LIPA: variants seen among roughly 807,000 people sequenced by gnomAD.
LIPA encodes the protein lipase A, lysosomal acid type, also known as lysosomal acid lipase/cholesteryl ester hydrolase.
A neutral mutation model predicts 40.6 loss-of-function variants in LIPA; 26 were observed. The ratio of observed to expected loss-of-function variants is 0.64; its 90% CI spans 0.47 to 0.89. The LOEUF (loss-of-function observed/expected upper bound fraction) is 0.89, where lower values mean the gene tolerates loss of function less well. LIPA is among the 40% of genes least tolerant of loss of function. LIPA has a pLI of 0.00. For synonymous variants in LIPA, 188 were observed against 168.4 expected, an observed-to-expected ratio of 1.12 and a Z score of -0.90; for missense variants, 455 against 479.6, an observed-to-expected ratio of 0.95 and a Z score of 0.48.
chr10:89,359,842 CAA>C (rs1844011263), intron 2 of LIPA, among the ~76,000 whole-genome samples: 4 of 146,388 alleles, frequency 2.7e-5, no homozygotes, highest in African/African-American at 1.0e-4. Context: ...CACACACACA[CAA>C]ACACACACAC....
intron 2 of LIPA, among the ~76,000 whole-genome samples, chr10:89,355,744 T>C (rs1010487956): frequency 1.3e-5 from 2 of 152,208 alleles, no homozygotes; most frequent in African/African-American, 4.8e-5. Context: ...TGACCTCTGG[T>C]CATCCTCACT....
At chr10:89,250,107 C>CTTTTTTTTTT (rs398038546) in intron 1 of LIPA, among the ~76,000 whole-genome samples, 5,364 of 95,136 alleles carry the variant, frequency 0.056, 527 homozygotes, top group African/African-American at 0.12. Flanking sequence ...TCTTTTCTTT[C>CTTTTTTTTTT]TTTTTTTTTT....
At chr10:89,409,304 G>A (rs990991508) in intron 2 of LIPA, among the ~76,000 whole-genome samples, 10 of 152,192 alleles carry the variant, frequency 6.6e-5, no homozygotes, top group East Asian at 1.9e-4. Context: ...GAGAAAGACC[G>A]CAGCCTTAGT....
rs1844282029 is a variant in LIPA, at chr10:89,393,106, G to A, written c.61+19685C>T. On this transcript the variant is annotated intron_variant, in intron 2 of 8. Coordinates refer to the LIPA transcript ENST00000371837. ...CTGAGTAGAGGCATTGCTTTCTGCA[G>A]GTTCTTTACCACAGAGAAAAAGCAG... 6 of 1,294,526 alleles carry A rather than the reference G, an allele frequency of 4.6e-6. No individual in the cohort carries two copies. The South Asian group carries it at 7.4e-5, about 16-fold the overall frequency. The allele number at this position is 1,294,526 out of a possible 1,614,324, so 80.2% of individuals were successfully genotyped here. A position where few individuals can be genotyped will look rare whatever the true frequency, so the allele number is the denominator to read the frequency against.
chr10:89,403,597 G>GC lies in LIPA; in HGVS notation c.61+9193dup, dbSNP rs1480914776. ...AAGGCATTAGATCTGGAAAGCTTGA[G>GC]CCTCCTTGGGTTCGTCTACAAATTG... On this transcript the variant is annotated intron_variant, in intron 2 of 8. Transcript: ENST00000371837. 3 of 1,613,934 alleles carry GC rather than the reference G, an allele frequency of 1.9e-6. No homozygotes were observed. In the South Asian group the frequency reaches 3.3e-5, roughly 18 times the overall value.
At chr10:89,239,600 G>A (rs929346777) in intron 3 of LIPA, among the ~76,000 whole-genome samples, 21 of 152,162 alleles carry the variant, frequency 1.4e-4, no homozygotes, top group African/African-American at 5.1e-4. Flanking sequence ...CACAGAGCAG[G>A]GAAGAAAACC....
chr10:89,221,233 A>G (rs964660012), intron 8 of LIPA, among the ~76,000 whole-genome samples: 1 of 152,012 alleles, frequency 6.6e-6, no homozygotes, highest in African/African-American at 2.4e-5. Context: ...TTTTTTTAAA[A>G]TAATAAAACG....
Position 89,245,868 on chromosome 10 carries a change from C to T in LIPA, c.112-75G>A, listed in dbSNP as rs943334960. 1.8e-5 allele frequency: 15 copies of T among 817,070 alleles called. No homozygotes were observed. The African/African-American group carries it at 2.2e-4, about 12-fold the overall frequency. The allele number at this position is 817,070 out of a possible 1,614,324, so 50.6% of individuals were successfully genotyped here. Reference sequence around the variant, plus strand: ...TCTCCCACATTAACAAGCAAAGGAGCAGATAAACTATGTTCTCCAGGCTTT... The same window carrying T: ...TCTCCCACATTAACAAGCAAAGGAGTAGATAAACTATGTTCTCCAGGCTTT... On this transcript the variant is annotated intron_variant, in intron 2 of 9. Coordinates refer to ENST00000336233, the MANE Select transcript of LIPA (RefSeq NM_000235.4).
In LIPA at chr10:89,307,329, A is replaced by G; in HGVS notation, c.-2+35282T>C. On this transcript the variant is annotated intron_variant, in intron 1 of 5. Transcript: ENST00000282673. ...GATGAAGACTCTGAGAGGGGTTTGGAGTCTGGAAGCCTCATCCCTTCAGCA... is the reference window on the plus strand; with the variant it reads ...GATGAAGACTCTGAGAGGGGTTTGGGGTCTGGAAGCCTCATCCCTTCAGCA... 2 of 1,612,470 alleles carry G rather than the reference A, an allele frequency of 1.2e-6. 1 individual carries two copies. The highest frequency in any genetic ancestry group is 2.2e-5 in the South Asian group (2 of 90,976).
upstream of LIPA, among the ~76,000 whole-genome samples, chr10:89,346,659 C>T (rs1168891505): frequency 2.0e-5 from 3 of 152,176 alleles, no homozygotes; most frequent in East Asian, 1.9e-4. Flanking sequence ...TCCAGTCTGA[C>T]GCAATAAACA....
intron 1 of LIPA, among the ~76,000 whole-genome samples, chr10:89,270,424 A>G (rs1843260032): frequency 6.6e-6 from 1 of 152,260 alleles, no homozygotes; most frequent in Non-Finnish European, 1.5e-5. Flanking sequence ...CACCTTGGCA[A>G]GACACAAGTG....
intron 2 of LIPA, among the ~76,000 whole-genome samples, chr10:89,407,753 C>T (rs1047131153): frequency 2.6e-5 from 4 of 152,052 alleles, no homozygotes; most frequent in Admixed American, 2.0e-4. Context: ...TTAGAGAATG[C>T]GTCGGTAAGG....
intron 3 of LIPA, among the ~76,000 whole-genome samples, chr10:89,228,906 G>A (rs563578252): frequency 6.6e-6 from 1 of 152,280 alleles, no homozygotes; most frequent in South Asian, 2.1e-4. Flanking sequence ...CATTGCTGGT[G>A]GAAATGCAAA....
intron 1 of LIPA, among the ~76,000 whole-genome samples, chr10:89,302,540 G>A (rs1320474313): frequency 6.6e-6 from 1 of 152,124 alleles, no homozygotes; most frequent in South Asian, 2.1e-4. Flanking sequence ...TTTAACAAAA[G>A]GGTTCTTTTC....
intron 1 of LIPA, among the ~76,000 whole-genome samples, chr10:89,310,022 C>T (rs1048248983): frequency 6.6e-5 from 10 of 152,232 alleles, no homozygotes; most frequent in African/African-American, 2.2e-4. Context: ...CCATATCCAT[C>T]AATGACCATT....
upstream of LIPA, among the ~76,000 whole-genome samples, chr10:89,255,303 G>A (rs1310122024): frequency 2.6e-5 from 4 of 152,208 alleles, no homozygotes; most frequent in East Asian, 7.7e-4. Context: ...TTACATGGCA[G>A]CAGACATGAG....
intron 2 of LIPA, chr10:89,384,512 C>A: frequency 1.2e-6 from 2 of 1,613,874 alleles, no homozygotes; most frequent in Non-Finnish European, 1.7e-6. Context: ...AAAGCAATTA[C>A]CCATTATTTA....
intron 1 of LIPA, among the ~76,000 whole-genome samples, chr10:89,262,119 T>C (rs1843213934): frequency 6.6e-6 from 1 of 152,190 alleles, no homozygotes; most frequent in South Asian, 2.1e-4. Flanking sequence ...ACAAGATTTT[T>C]ATTGTTACCT....
intron 2 of LIPA, chr10:89,383,256 G>A (rs1844176503): frequency 1.4e-6 from 2 of 1,412,130 alleles, no homozygotes; most frequent in Non-Finnish European, 2.0e-6. Context: ...TGAAGTGCTG[G>A]CTTCATTTTC....
Sources: allele counts gnomAD v4.1 joint callset (sites outside exome capture counted in the v4.1 genomes callset), GRCh38; gene constraint gnomAD v4.1.1; transcripts MANE v1.5; gene names NCBI Gene and HGNC (gene_info 2026-07-23, HGNC 2026-07-21).